Variants in IL21R observed in about 807,000 individuals in gnomAD.
IL21R encodes interleukin 21 receptor.
In IL21R, 14 loss-of-function variants were observed where a neutral mutation model predicts 41.3. That is an observed-to-expected ratio of 0.34 (90% CI 0.22 to 0.53). IL21R has a LOEUF of 0.53. Ranked by LOEUF, IL21R falls within the 20% of genes least tolerant of loss-of-function variation. IL21R has a pLI of 0.94. For synonymous variants in IL21R, 286 were observed against 287.6 expected (o/e 0.99, Z 0.05); for missense variants, 588 against 681.6 (o/e 0.86, Z 1.53).
rs568031233 is a variant in IL21R, at chr16:27,449,460, G to A, written c.*177G>A. On this transcript the variant is annotated 3_prime_UTR_variant, in exon 9 of 9. Transcript: ENST00000337929. ...CATATGTGTGTGTGTGCATATGCATGTGTGTGTGTGTGTGTGTCTTAGGTG... is the reference window on the plus strand; with the variant it reads ...CATATGTGTGTGTGTGCATATGCATATGTGTGTGTGTGTGTGTCTTAGGTG... 0.021 allele frequency: 10,160 copies of A among 472,972 alleles called. 94 individuals carry two copies. The highest frequency in any genetic ancestry group is 0.027 in the Non-Finnish European group (7,451 of 271,286). 29.3% of individuals were successfully genotyped at this position (472,972 alleles called of 1,614,324 possible). A position where few individuals can be genotyped will look rare whatever the true frequency, so the allele number is the denominator to read the frequency against.
chr16:27,422,227 T>A (rs2087010652), intron 1 of IL21R, among the ~76,000 whole-genome samples: 1 of 152,106 alleles, frequency 6.6e-6, no homozygotes, highest in Non-Finnish European at 1.5e-5. Context: ...TCTTTTATTT[T>A]TTAAAATAGT....
At chr16:27,414,259 G>A (rs1280721601) in intron 1 of IL21R, among the ~76,000 whole-genome samples, 1 of 151,148 alleles carries the variant, frequency 6.6e-6, no homozygotes, top group African/African-American at 2.4e-5. Context: ...TCATGAATGG[G>A]TGTTGCAATT....
chr16:27,420,640 T>C (rs1425075376), intron 1 of IL21R, among the ~76,000 whole-genome samples: 1 of 152,258 alleles, frequency 6.6e-6, no homozygotes, highest in Admixed American at 6.5e-5. Context: ...TTTGCCCATT[T>C]TAAATTTTAA....
intron 8 of IL21R, among the ~76,000 whole-genome samples, chr16:27,446,639 GCC>G (rs2087484558): frequency 6.6e-6 from 1 of 152,056 alleles, no homozygotes; most frequent in African/African-American, 2.4e-5. Flanking sequence ...TGCAGCATTG[GCC>G]CAGCCCAAGG....
At chr16:27,403,540 G>A (rs757406955) in intron 1 of IL21R, among the ~76,000 whole-genome samples, 4 of 152,146 alleles carry the variant, frequency 2.6e-5, no homozygotes, top group Non-Finnish European at 4.4e-5. Context: ...TTCCTCACTC[G>A]GTGAACTTGG....
At chr16:27,420,330 C>G (rs1360787448) in intron 1 of IL21R, among the ~76,000 whole-genome samples, 1 of 152,204 alleles carries the variant, frequency 6.6e-6, no homozygotes, top group African/African-American at 2.4e-5. Context: ...GTCCTATGGG[C>G]CCGCCTATGT....
intron 1 of IL21R, among the ~76,000 whole-genome samples, chr16:27,423,495 C>G (rs2087028942): frequency 6.6e-6 from 1 of 152,206 alleles, no homozygotes; most frequent in African/African-American, 2.4e-5. Flanking sequence ...CTTTTCCACA[C>G]TATTCAAAAT....
intron 1 of IL21R, among the ~76,000 whole-genome samples, chr16:27,413,792 T>A (rs2086855171): frequency 6.6e-6 from 1 of 151,962 alleles, no homozygotes; most frequent in Admixed American, 6.5e-5. Context: ...TTACAATGTC[T>A]CCTCTTTCAT....
chr16:27,437,816 C>G, intron 4 of IL21R, 129 bp downstream of exon 4: 1 of 686,002 alleles, frequency 1.5e-6, no homozygotes. Context: ...GTGTACACCA[C>G]TACACCCAGC....
chr16:27,404,161 C>T (rs1438763170), intron 1 of IL21R, among the ~76,000 whole-genome samples: 2 of 152,142 alleles, frequency 1.3e-5, no homozygotes, highest in Non-Finnish European at 2.9e-5. Context: ...CTCACCTGCT[C>T]CCCACCGTGG....
intron 5 of IL21R, chr16:27,444,019 G>A (rs773049504): frequency 6.6e-6 from 1 of 151,988 alleles, no homozygotes; most frequent in Non-Finnish European, 1.5e-5. Flanking sequence ...AGTCCCCAGT[G>A]GAAGACTTCC....
rs539346682 is a variant in IL21R, at chr16:27,440,669, C to G, written c.353-2293C>G. Among the ~76,000 whole-genome samples, 7 of 152,258 alleles carry G rather than the reference C, an allele frequency of 4.6e-5. No individual in the cohort carries two copies. The South Asian group carries it at 1.5e-3, about 32-fold the overall frequency. ...AACCTGGAGGACAAAACCTCTGCCC[C>G]AAGGAGCTAAGAGCCCAGTGAGGGA... is the stretch of plus-strand genomic sequence containing the variant. On this transcript the variant is annotated intron_variant, in intron 4 of 8. Transcript: ENST00000337929.
chr16:27,420,109 T>TG (rs1371618539), intron 1 of IL21R, among the ~76,000 whole-genome samples: 1 of 150,914 alleles, frequency 6.6e-6, no homozygotes, highest in Non-Finnish European at 1.5e-5. Context: ...ACACTGGTCT[T>TG]GAAGTCCTGA....
chr16:27,443,683 T>C (rs983118375), intron 5 of IL21R, among the ~76,000 whole-genome samples: 8 of 151,972 alleles, frequency 5.3e-5, no homozygotes, highest in African/African-American at 1.9e-4. Context: ...TTCTGGAGGC[T>C]TAGGCAGGAG....
Position 27,437,661 on chromosome 16 carries a change from G to A in IL21R, c.326G>A (p.Cys109Tyr). 1 of 1,614,150 alleles carries A rather than the reference G, an allele frequency of 6.2e-7. No individual in the cohort carries two copies. The highest frequency in any genetic ancestry group is 8.5e-7 in the Non-Finnish European group (1 of 1,179,984). ...CAGTCTGGCAACTACTCCCAGGAGT[G>A]TGGCAGCTTTCTCCTGGCTGAGAGC... Reference protein sequence around the residue: ...TDQSGNYSQECGSFLLAESIK... With the variant: ...TDQSGNYSQEYGSFLLAESIK... The change falls in exon 4 of 9, where the codon TGT becomes TAT. Residue 109 changes from cysteine (C) to tyrosine (Y), a missense_variant. Transcript: ENST00000337929.
intron 1 of IL21R, among the ~76,000 whole-genome samples, chr16:27,417,876 G>A (rs932224125): frequency 6.6e-6 from 1 of 152,110 alleles, no homozygotes; most frequent in African/African-American, 2.4e-5. Flanking sequence ...AGTGCTGAGG[G>A]AATGTGAAGG....
intron 5 of IL21R, among the ~76,000 whole-genome samples, chr16:27,443,421 TG>T (rs1327317364): frequency 6.6e-6 from 1 of 152,034 alleles, no homozygotes; most frequent in African/African-American, 2.4e-5. Context: ...GTTTCAGAAA[TG>T]GGGCAACCTG....
chr16:27,427,712 C>T (rs2087102423), intron 1 of IL21R, among the ~76,000 whole-genome samples: 1 of 152,238 alleles, frequency 6.6e-6, no homozygotes, highest in Middle Eastern at 3.4e-3. Context: ...GGGGACAGAG[C>T]TATGTCAGGA....
At chr16:27,436,798 C>T (rs933486550) in intron 3 of IL21R, among the ~76,000 whole-genome samples, 10 of 151,980 alleles carry the variant, frequency 6.6e-5, no homozygotes, top group African/African-American at 1.9e-4. Context: ...GGGGACTGGG[C>T]GAGGTGGCTC....
Sources: allele counts gnomAD v4.1 joint callset (sites outside exome capture counted in the v4.1 genomes callset), GRCh38; gene constraint gnomAD v4.1.1; transcripts MANE v1.5; gene names NCBI Gene and HGNC (gene_info 2026-07-23, HGNC 2026-07-21).